Variants in TDRD9 observed in about 807,000 individuals in gnomAD.
The protein encoded by TDRD9 is ATP-dependent RNA helicase TDRD9.
Under a neutral mutation model 172.6 loss-of-function variants are expected in TDRD9, and 124 were observed. That is an observed-to-expected ratio of 0.72 (90% CI 0.62 to 0.83). The LOEUF (loss-of-function observed/expected upper bound fraction) is 0.83. TDRD9 is among the 40% of genes least tolerant of loss of function. The pLI is 0.00. For missense variants in TDRD9, 1,479 were observed against 1,714.1 expected, an observed-to-expected ratio of 0.86 and a Z score of 2.42; for synonymous variants, 619 against 617.1, an observed-to-expected ratio of 1.00 and a Z score of -0.05.
chr14:104,023,960 G>A (rs1422687297), intron 24 of TDRD9, among the ~76,000 whole-genome samples: 1 of 152,054 alleles, frequency 6.6e-6, no homozygotes, highest in Non-Finnish European at 1.5e-5. Flanking sequence ...GAAAAGAGTT[G>A]GATCAAGATC....
At chr14:104,047,831 A>G (rs1476775105) in intron 34 of TDRD9, among the ~76,000 whole-genome samples, 1 of 152,158 alleles carries the variant, frequency 6.6e-6, no homozygotes, top group African/African-American at 2.4e-5. Flanking sequence ...CAGTCATTGT[A>G]CTTTTCAGCT....
intron 34 of TDRD9, among the ~76,000 whole-genome samples, chr14:104,048,405 GT>G (rs1273752188): frequency 6.6e-6 from 1 of 152,062 alleles, no homozygotes; most frequent in Non-Finnish European, 1.5e-5. Context: ...CGCCCAGCTC[GT>G]TTTGTTTTCT....
At position 103,980,865 on chromosome 14, in the gene TDRD9, T is replaced by A. The variant is rs145558576; in HGVS notation, c.1011+5312T>A. 5.3e-5 allele frequency among the ~76,000 whole-genome samples: 8 copies of A among 152,146 alleles called. No homozygotes were observed. The highest frequency in any genetic ancestry group is 1.9e-4 in the African/African-American group (8 of 41,426). On this transcript the variant is annotated intron_variant, in intron 7 of 35. Coordinates refer to ENST00000409874, the MANE Select transcript of TDRD9 (RefSeq NM_153046.3). The surrounding 1 kb of genome is among the most constrained non-coding windows in gnomAD (Gnocchi z 4.5). ...CGGGCATAACAGAAGGCTCGCACTC[T>A]TGTCTTCTGGTCACTTCTCACTATG...
intron 7 of TDRD9, among the ~76,000 whole-genome samples, chr14:103,978,841 T>C (rs1187670034): frequency 6.6e-6 from 1 of 152,246 alleles, no homozygotes; most frequent in East Asian, 1.9e-4. Context: ...CATAGTGATG[T>C]GATACATACA....
chr14:103,936,283 G>T (rs542259949), intron 1 of TDRD9, among the ~76,000 whole-genome samples: 1 of 152,076 alleles, frequency 6.6e-6, no homozygotes, highest in Non-Finnish European at 1.5e-5. Flanking sequence ...GGAGACATGG[G>T]ATTTCACTAT....
In TDRD9 at chr14:103,954,714, C is replaced by T. The variant is rs570616009; in HGVS notation, c.216-950C>T. On this transcript the variant is annotated intron_variant, in intron 1 of 35. Coordinates refer to ENST00000409874, the MANE Select transcript of TDRD9 (RefSeq NM_153046.3). ...CACCATCTTGGCTCACTGCAACCTC[C>T]GCCTCCTGGGTTTAAGTGATTCTGC... is the stretch of plus-strand genomic sequence containing the variant. 7.4e-3 allele frequency among the ~76,000 whole-genome samples: 1,119 copies of T among 151,906 alleles called. 12 individuals carry two copies. The highest frequency in any genetic ancestry group is 0.025 in the African/African-American group (1,055 of 41,430).
intron 34 of TDRD9, among the ~76,000 whole-genome samples, chr14:104,045,914 C>G (rs545869388): frequency 7.0e-4 from 106 of 152,340 alleles, no homozygotes; most frequent in Admixed American, 2.6e-3. Flanking sequence ...AAGTGACCCA[C>G]TCTCTGGTCT....
At chr14:104,007,103 A>C in intron 18 of TDRD9, 57 bp from the exon 19 acceptor site, 2 of 1,489,494 alleles carry the variant, frequency 1.3e-6, no homozygotes, top group East Asian at 4.6e-5. Context: ...AATTGTACTT[A>C]AAAAAAATTC....
At position 103,966,807 on chromosome 14, in the gene TDRD9, A is replaced by G. The variant is rs948043977; in HGVS notation, c.741A>G (p.Glu247=). ...QKIVSAKSLM[E]FTHIIIDEVH... is the part of the protein sequence containing the mutation. Reference sequence around the variant, plus strand: ...TAGTTAGTGCCAAGAGTTTGATGGAATTCACACATATCATCATTGATGAAG... The same window carrying G: ...TAGTTAGTGCCAAGAGTTTGATGGAGTTCACACATATCATCATTGATGAAG... The change falls in exon 5 of 36, where the codon GAA becomes GAG. Residue 247 remains glutamate, a synonymous_variant. Coordinates refer to ENST00000409874, the MANE Select transcript of TDRD9 (RefSeq NM_153046.3). 1.9e-6 allele frequency: 3 copies of G among 1,550,716 alleles called. No individual in the cohort carries two copies. In the African/African-American group the frequency reaches 4.1e-5, roughly 21 times the overall value.
chr14:104,037,782 A>G (rs79667722), intron 32 of TDRD9, among the ~76,000 whole-genome samples: 4,004 of 152,228 alleles, frequency 0.026, 90 homozygotes, highest in East Asian at 0.07. Context: ...CCTTGGTGCC[A>G]GCTTTCCTCT....
intron 34 of TDRD9, among the ~76,000 whole-genome samples, chr14:104,043,068 C>G (rs1181324599): frequency 1.3e-5 from 2 of 151,936 alleles, no homozygotes; most frequent in Non-Finnish European, 2.9e-5. Flanking sequence ...CCCTCTTGCT[C>G]AAGCTGAGTG....
intron 11 of TDRD9, 144 bp downstream of exon 11, chr14:103,994,747 G>T: frequency 3.0e-6 from 2 of 660,606 alleles, no homozygotes; most frequent in South Asian, 4.0e-5. Flanking sequence ...AATCATTTGA[G>T]CTCAGGAATT....
chr14:104,047,053 G>A (rs1226210810), intron 34 of TDRD9, among the ~76,000 whole-genome samples: 1 of 152,200 alleles, frequency 6.6e-6, no homozygotes, highest in African/African-American at 2.4e-5. Flanking sequence ...AATTGTGGTA[G>A]GGATTGTGTG....
chr14:103,975,252 T>A (rs371512990), intron 6 of TDRD9, 137 bp from the exon 7 acceptor site: 1 of 659,226 alleles, frequency 1.5e-6, no homozygotes, highest in Admixed American at 3.3e-5. Flanking sequence ...CACTAGAGAT[T>A]AAATCAGGGT....
chr14:103,938,431 TA>T (rs1347383360), intron 1 of TDRD9, among the ~76,000 whole-genome samples: 20 of 66,290 alleles, frequency 3.0e-4, no homozygotes, highest in African/African-American at 1.1e-3. Context: ...TATATATATA[TA>T]TATATATATT....
chr14:103,949,844 C>G (rs1028696127), intron 1 of TDRD9, among the ~76,000 whole-genome samples: 1 of 151,054 alleles, frequency 6.6e-6, no homozygotes, highest in Non-Finnish European at 1.5e-5. Context: ...ACCACTGCAC[C>G]TGGCTAATTT....
chr14:104,019,943 G>A (rs896900654), intron 23 of TDRD9, among the ~76,000 whole-genome samples: 2 of 152,168 alleles, frequency 1.3e-5, no homozygotes, highest in Admixed American at 6.5e-5. Context: ...GTGAGGCCTC[G>A]GGCTGGTGCA....
chr14:103,936,948 C>T (rs924871515), intron 1 of TDRD9, among the ~76,000 whole-genome samples: 3 of 152,004 alleles, frequency 2.0e-5, no homozygotes, highest in Non-Finnish European at 2.9e-5. Context: ...AAAAATTAGC[C>T]GGGTGTTGTG....
intron 28 of TDRD9, among the ~76,000 whole-genome samples, chr14:104,028,239 C>A (rs569724157): frequency 2.7e-4 from 41 of 152,254 alleles, no homozygotes; most frequent in African/African-American, 9.4e-4. Flanking sequence ...TATGTTCGTA[C>A]TGTTTTTAGT....
Sources: gnomAD v4.1 joint callset for allele counts (sites outside exome capture counted in the v4.1 genomes callset) on GRCh38, gnomAD v4.1.1 for gene constraint, Gnocchi (gnomAD v3.1) non-coding constraint, MANE v1.5 for transcripts, NCBI Gene and HGNC (gene_info 2026-07-23, HGNC 2026-07-21) for gene names.